The following ANAPC1 variants were observed in gnomAD, a reference collection of about 807,000 sequenced individuals.
ANAPC1 encodes the protein anaphase-promoting complex subunit 1.
A neutral mutation model predicts 208.0 loss-of-function variants in ANAPC1; 36 were observed. The ratio of observed to expected loss-of-function variants is 0.17; its 90% CI spans 0.13 to 0.23. The LOEUF (loss-of-function observed/expected upper bound fraction) is 0.23, where lower values mean the gene tolerates loss of function less well. Ranked by LOEUF, ANAPC1 falls within the 10% of genes least tolerant of loss-of-function variation. The pLI is 1.00. For missense variants in ANAPC1, 942 were observed against 2,011.6 expected (o/e 0.47, Z 10.17); for synonymous variants, 378 against 695.2 (o/e 0.54, Z 7.18).
chr2:111,832,737 G>A (rs376187160), intron 20 of ANAPC1, among the ~76,000 whole-genome samples: 30 of 152,052 alleles, frequency 2.0e-4, no homozygotes, highest in African/African-American at 7.2e-4. Flanking sequence ...AGACCATCCT[G>A]TGTAACACAG....
rs1211400160 is a variant in ANAPC1, at chr2:111,846,550, TATATATA to T, written c.1852+581_1852+587del. Reference sequence around the variant, plus strand: ...ATACATATACATATATATATATATATATATATATATTTTTTTTTTTTTTTTTTTTTTT... The same window carrying T: ...ATACATATACATATATATATATATATTATTTTTTTTTTTTTTTTTTTTTTT... On this transcript the variant is annotated intron_variant, in intron 16 of 47. Coordinates refer to ENST00000341068, the MANE Select transcript of ANAPC1 (RefSeq NM_022662.4). Among the ~76,000 whole-genome samples the T allele has an allele frequency of 5.0e-3, 350 of 70,324 alleles. 3 individuals are homozygous for T. The highest frequency in any genetic ancestry group is 7.0e-3 in the Non-Finnish European group (275 of 39,312). The allele number at this position is 70,324 out of a possible 152,430, so 46.1% of individuals were successfully genotyped here.
intron 38 of ANAPC1, among the ~76,000 whole-genome samples, chr2:111,791,426 C>T (rs1326567457): frequency 6.7e-6 from 1 of 149,834 alleles, no homozygotes; most frequent in Non-Finnish European, 1.5e-5. Context: ...CAATTCCACA[C>T]AGTTCTATAT....
At chr2:111,859,948 A>G (rs993977650) in intron 10 of ANAPC1, among the ~76,000 whole-genome samples, 1 of 152,192 alleles carries the variant, frequency 6.6e-6, no homozygotes, top group South Asian at 2.1e-4. Flanking sequence ...ACATTAGAGT[A>G]TATAAAAGAC....
Position 111,871,769 on chromosome 2 carries a change from C to T in ANAPC1, c.611+861G>A, listed in dbSNP as rs190343743. Among the ~76,000 whole-genome samples, 1,309 of 152,166 alleles carry T rather than the reference C, an allele frequency of 8.6e-3. 15 individuals are homozygous for T. The highest frequency in any genetic ancestry group is 0.024 in the Middle Eastern group (7 of 294). ...CCCCGTCTCAAAAAAAAAGAGACTGCGTTCTTGATTTGATTTTCAGCTTTG... is the reference window on the plus strand; with the variant it reads ...CCCCGTCTCAAAAAAAAAGAGACTGTGTTCTTGATTTGATTTTCAGCTTTG... On this transcript the variant is annotated intron_variant, in intron 6 of 47. Transcript: ENST00000341068.
At chr2:111,867,301 GA>G (rs1030580837) in intron 7 of ANAPC1, among the ~76,000 whole-genome samples, 35 of 141,788 alleles carry the variant, frequency 2.5e-4, no homozygotes, top group South Asian at 8.9e-4. Context: ...AAAAAAGAAA[GA>G]AAAAAAAAAA....
chr2:111,775,130 G>A (rs1292833524), intron 46 of ANAPC1, among the ~76,000 whole-genome samples: 2 of 152,168 alleles, frequency 1.3e-5, no homozygotes, highest in Admixed American at 1.3e-4. Flanking sequence ...GCTGGGTGTG[G>A]TGGCGTGCAC....
At position 111,880,592 on chromosome 2, in the gene ANAPC1, C is replaced by A. The variant is rs1198724558; in HGVS notation, c.213+21G>T. 2.5e-6 allele frequency: 4 copies of A among 1,589,826 alleles called. No homozygotes were observed. The African/African-American group carries it at 5.4e-5, about 21-fold the overall frequency. Reference sequence around the variant, plus strand: ...TATATCACTCTACATTTCAAAAACACAATGGGAAACTCAATGGAACCTTCT... The same window carrying A: ...TATATCACTCTACATTTCAAAAACAAAATGGGAAACTCAATGGAACCTTCT... On this transcript the variant is annotated intron_variant, in intron 2 of 47. Transcript: ENST00000341068.
At chr2:111,821,693 GGAGGCCGAGGTGGGCGGATCACCC>G in intron 25 of ANAPC1, 1 of 442,034 alleles carries the variant, frequency 2.3e-6, no homozygotes, top group Non-Finnish European at 4.2e-6. Context: ...CAGCACTTTG[GGAGGCCGAGGTGGGCGGATCACCC>G]GAGGCCAGGG....
At chr2:111,772,177 A>G (rs1453201180) in intron 47 of ANAPC1, among the ~76,000 whole-genome samples, 164 bp downstream of exon 47, 2 of 148,308 alleles carry the variant, frequency 1.3e-5, no homozygotes, top group Non-Finnish European at 1.5e-5. Context: ...ATTCATATAT[A>G]AAGTTGATAA....
intron 21 of ANAPC1, among the ~76,000 whole-genome samples, chr2:111,830,804 G>A (rs1680087796): frequency 6.6e-6 from 1 of 152,148 alleles, no homozygotes; most frequent in African/African-American, 2.4e-5. Context: ...AATGTAAAAT[G>A]GAAGAGCCAC....
intron 34 of ANAPC1, among the ~76,000 whole-genome samples, chr2:111,800,168 ATAT>A (rs1423573113): frequency 7.3e-6 from 1 of 136,446 alleles, no homozygotes; most frequent in Non-Finnish European, 1.6e-5. Flanking sequence ...ATACAGTAAA[ATAT>A]TATTATAGAG....
intron 16 of ANAPC1, among the ~76,000 whole-genome samples, chr2:111,845,809 C>T (rs867378941): frequency 4.0e-5 from 6 of 151,830 alleles, no homozygotes; most frequent in Middle Eastern, 3.4e-3. Flanking sequence ...CCCGTCTCTA[C>T]TAAAAATACA....
At chr2:111,874,797 T>C (rs1476926273) in intron 3 of ANAPC1, among the ~76,000 whole-genome samples, 1 of 152,214 alleles carries the variant, frequency 6.6e-6, no homozygotes, top group Admixed American at 6.5e-5. Flanking sequence ...CTGGAACTGC[T>C]GGATCATAAT....
At chr2:111,825,988 T>C (rs1296881924) in intron 21 of ANAPC1, 133 bp from the exon 22 acceptor site, 1 of 636,124 alleles carries the variant, frequency 1.6e-6, no homozygotes, top group Non-Finnish European at 2.6e-6. Flanking sequence ...GCAATCTTCC[T>C]GCTTCAGTCT....
At chr2:111,849,546 A>G (rs1393295370) in intron 14 of ANAPC1, among the ~76,000 whole-genome samples, 5 of 152,322 alleles carry the variant, frequency 3.3e-5, no homozygotes, top group Admixed American at 2.6e-4. Flanking sequence ...TCCTTTAAAT[A>G]CAAACCACTT....
intron 46 of ANAPC1, among the ~76,000 whole-genome samples, chr2:111,773,962 C>T (rs1009782647): frequency 2.0e-5 from 3 of 149,048 alleles, no homozygotes; most frequent in African/African-American, 7.4e-5. Context: ...AAAGACTGTT[C>T]TGTCAGTTAA....
Position 111,831,516 on chromosome 2 carries a change from C to G in ANAPC1, c.2477-82G>C. 3 of 1,141,016 alleles carry G rather than the reference C, an allele frequency of 2.6e-6. No homozygotes were observed. The South Asian group carries it at 4.5e-5, about 17-fold the overall frequency. 70.7% of individuals were successfully genotyped at this position (1,141,016 alleles called of 1,614,324 possible). A position where few individuals can be genotyped will look rare whatever the true frequency, so the allele number is the denominator to read the frequency against. On this transcript the variant is annotated intron_variant, in intron 20 of 47. Transcript: ENST00000341068. ...TTTATTTTAAACGGAAGATGATCAA[C>G]AGTTACTTGTCATTTTGAAACAACT...
At chr2:111,860,747 A>C (rs1682014990) in intron 10 of ANAPC1, among the ~76,000 whole-genome samples, 3 of 151,840 alleles carry the variant, frequency 2.0e-5, no homozygotes, top group Non-Finnish European at 4.4e-5. Flanking sequence ...CCCAAATCTT[A>C]AGTTTCCAGG....
rs189102603 is a variant in ANAPC1, at chr2:111,823,269, G to A, written c.2813-669C>T. Among the ~76,000 whole-genome samples, 362 of 151,580 alleles carry A rather than the reference G, an allele frequency of 2.4e-3. 2 individuals are homozygous for A. Among genetic ancestry groups the A allele is most frequent in the African/African-American group, 5.5e-3 (228 of 41,370 alleles). On this transcript the variant is annotated intron_variant, in intron 24 of 47. Coordinates refer to ENST00000341068, the MANE Select transcript of ANAPC1 (RefSeq NM_022662.4). The stretch of plus-strand genomic sequence containing the variant: ...CCTGACCTCGTGATCCACCCGCCTC[G>A]GCCTCCCAAAGTGCTGGCATTACAG...
Sources: allele counts gnomAD v4.1 joint callset (sites outside exome capture counted in the v4.1 genomes callset), GRCh38; gene constraint gnomAD v4.1.1; transcripts MANE v1.5; gene names NCBI Gene and HGNC (gene_info 2026-07-23, HGNC 2026-07-21).